Variants in COL4A1 observed in about 807,000 individuals in gnomAD.
COL4A1 encodes collagen type IV alpha 1 chain.
A neutral mutation model predicts 216.6 loss-of-function variants in COL4A1; 40 were observed. The ratio of observed to expected loss-of-function variants is 0.18; its 90% CI spans 0.14 to 0.24. COL4A1 has a LOEUF of 0.24. COL4A1 is among the 10% of genes least tolerant of loss of function. The pLI is 1.00. For synonymous variants in COL4A1, 839 were observed against 810.7 expected, an observed-to-expected ratio of 1.03 and a Z score of -0.59; for missense variants, 1,628 against 2,196.8, an observed-to-expected ratio of 0.74 and a Z score of 5.18.
chr13:110,229,135 G>A (rs765062146), intron 2 of COL4A1, among the ~76,000 whole-genome samples: 7 of 152,224 alleles, frequency 4.6e-5, no homozygotes, highest in Non-Finnish European at 8.8e-5. Context: ...AGCTGACACT[G>A]AGGAAATGTC....
At position 110,187,226 on chromosome 13, in the gene COL4A1, C is replaced by G. The variant is rs374334866; in HGVS notation, c.1640G>C (p.Gly547Ala). Residue 547 changes from glycine to alanine, a missense_variant, in exon 25 of 52, where the codon GGC becomes GCC. By Grantham distance (60) the Gly-to-Ala change is moderately conservative (BLOSUM62 0). Around this residue, in one of 8 missense-constraint regions of COL4A1, gnomAD observed 701 missense variants for 892.5 expected, o/e 0.79. Coordinates refer to ENST00000375820, the MANE Select transcript of COL4A1 (RefSeq NM_001845.6). The part of the protein sequence containing the change: ...LRLKGDKGDP[G>A]FPGQPGMPGR... ...TGGCATGCCGGGCTGTCCTGGAAAG[C>G]CTGGGTCTCCTTTGTCACCTTTGAG... The G allele has an allele frequency of 1.2e-6, 2 of 1,613,822 alleles. No homozygotes were observed. Among genetic ancestry groups the G allele is most frequent in the Admixed American group, 1.7e-5 (1 of 59,994 alleles).
rs147627442 is a variant in COL4A1 at position 110,175,540 on chromosome 13, G to A, written c.3059-183C>T. ...TCAATCGGCTCATGACCCAGAACACGTCAGTCACCCAGATCACATCAGAGC... is the reference window on the plus strand; with the variant it reads ...TCAATCGGCTCATGACCCAGAACACATCAGTCACCCAGATCACATCAGAGC... On this transcript the variant is annotated intron_variant, in intron 36 of 51. Coordinates refer to ENST00000375820, the MANE Select transcript of COL4A1 (RefSeq NM_001845.6). Among the ~76,000 whole-genome samples the A allele has an allele frequency of 1.6e-4, 24 of 152,282 alleles. No homozygotes were observed. The East Asian group carries it at 2.1e-3, about 13-fold the overall frequency.
chr13:110,272,405 T>C (rs748817819), intron 1 of COL4A1, among the ~76,000 whole-genome samples: 33 of 152,304 alleles, frequency 2.2e-4, no homozygotes, highest in Admixed American at 3.9e-4. Flanking sequence ...GTGGAAACAC[T>C]CTCGAAATTG....
chr13:110,213,038 G>A (rs190414870), intron 4 of COL4A1, among the ~76,000 whole-genome samples: 21 of 152,272 alleles, frequency 1.4e-4, no homozygotes, highest in African/African-American at 5.1e-4. Flanking sequence ...AATACCGTAT[G>A]TTCTCACGTA....
At chr13:110,225,691 A>C (rs1443685840) in intron 2 of COL4A1, among the ~76,000 whole-genome samples, 1 of 152,248 alleles carries the variant, frequency 6.6e-6, no homozygotes, top group Admixed American at 6.5e-5. Flanking sequence ...TAGGAATCTT[A>C]ATTTCAAATG....
intron 21 of COL4A1, among the ~76,000 whole-genome samples, chr13:110,195,891 T>C (rs1284000086): frequency 6.6e-6 from 1 of 152,066 alleles, no homozygotes. Flanking sequence ...CCTTACAGGG[T>C]CTTCACCTAA....
At chr13:110,154,318 C>A (rs1566334093) in intron 50 of COL4A1, among the ~76,000 whole-genome samples, 1 of 152,218 alleles carries the variant, frequency 6.6e-6, no homozygotes, top group Non-Finnish European at 1.5e-5. Context: ...GTGTATCAAA[C>A]AGGGGCCTTG....
In COL4A1 at chr13:110,149,607, A is replaced by G. The variant is rs1306990842; in HGVS notation, c.*756T>C. 6.6e-6 allele frequency: 1 copy of G among 152,660 alleles called. No homozygotes were observed. Among genetic ancestry groups the G allele is most frequent in the African/African-American group, 2.4e-5 (1 of 41,464 alleles). 9.5% of individuals were successfully genotyped at this position (152,660 alleles called of 1,614,324 possible). A position where few individuals can be genotyped will look rare whatever the true frequency, so the allele number is the denominator to read the frequency against. On this transcript the variant is annotated 3_prime_UTR_variant, in exon 52 of 52. Coordinates refer to ENST00000375820, the MANE Select transcript of COL4A1 (RefSeq NM_001845.6). ...CCTAGTCTTTAAAAACCTATGTTAAAGGACAGCACAGTCTTTCAAAGGAAG... is the reference window on the plus strand; with the variant it reads ...CCTAGTCTTTAAAAACCTATGTTAAGGGACAGCACAGTCTTTCAAAGGAAG...
rs771074999 is a variant in COL4A1 at position 110,268,146 on chromosome 13, A to G, written c.85-25412T>C. On this transcript the variant is annotated intron_variant, in intron 1 of 51. Coordinates refer to ENST00000375820, the MANE Select transcript of COL4A1 (RefSeq NM_001845.6). This position sits in a 1 kb window ranked among gnomAD's most constrained non-coding sequence, Gnocchi z 4.1. ...AGTATACAAGACATTCACTGGCCTCAGTCAACCCCTAGCATATAAAGACAA... is the reference window on the plus strand; with the variant it reads ...AGTATACAAGACATTCACTGGCCTCGGTCAACCCCTAGCATATAAAGACAA... 2.6e-4 allele frequency among the ~76,000 whole-genome samples: 39 copies of G among 152,336 alleles called. No individual in the cohort carries two copies. Among genetic ancestry groups the G allele is most frequent in the Admixed American group, 3.9e-4 (6 of 15,304 alleles).
chr13:110,195,734 G>A (rs1037021340), intron 21 of COL4A1, among the ~76,000 whole-genome samples: 7 of 152,168 alleles, frequency 4.6e-5, no homozygotes, highest in African/African-American at 1.7e-4. Flanking sequence ...ATTGTTTTAT[G>A]ATTTGGATAC....
intron 2 of COL4A1, among the ~76,000 whole-genome samples, chr13:110,222,089 C>T (rs553617021): frequency 6.6e-6 from 1 of 152,168 alleles, no homozygotes; most frequent in East Asian, 1.9e-4. Context: ...GACACCCACC[C>T]TTCATCCACC....
At chr13:110,240,616 T>C (rs1417308858) in intron 2 of COL4A1, among the ~76,000 whole-genome samples, 3 of 152,206 alleles carry the variant, frequency 2.0e-5, no homozygotes, top group African/African-American at 4.8e-5. Flanking sequence ...CCTTGGGCAA[T>C]GTTGAGATGA....
chr13:110,243,739 C>T (rs554041561), intron 1 of COL4A1, among the ~76,000 whole-genome samples: 1 of 152,334 alleles, frequency 6.6e-6, no homozygotes, highest in East Asian at 1.9e-4. Context: ...AGGTGCCACG[C>T]ACAGTCAGCG....
intron 1 of COL4A1, among the ~76,000 whole-genome samples, chr13:110,267,824 G>A (rs1883099661): frequency 6.6e-6 from 1 of 152,082 alleles, no homozygotes; most frequent in South Asian, 2.1e-4. Flanking sequence ...ACACAGTCCT[G>A]TATAACATTG....
At chr13:110,263,673 G>A (rs1051170581) in intron 1 of COL4A1, among the ~76,000 whole-genome samples, 3 of 152,130 alleles carry the variant, frequency 2.0e-5, no homozygotes, top group African/African-American at 7.2e-5. Flanking sequence ...CTAGACGAAT[G>A]AAAAAGTAGA....
In COL4A1 at chr13:110,225,026, T is replaced by C. The variant is rs530335296; in HGVS notation, c.145-11011A>G. Among the ~76,000 whole-genome samples, 12 of 152,248 alleles carry C rather than the reference T, an allele frequency of 7.9e-5. No homozygotes were observed. The South Asian group carries it at 1.7e-3, about 21-fold the overall frequency. On this transcript the variant is annotated intron_variant, in intron 2 of 51. Coordinates refer to ENST00000375820, the MANE Select transcript of COL4A1 (RefSeq NM_001845.6). ...TGCTCATTGGCAATTAAGAAAAACC[T>C]TTCTTTTTTTTTTCCTTAAAAATGT...
At chr13:110,155,639 G>A (rs1204241979) in intron 49 of COL4A1, among the ~76,000 whole-genome samples, 11 of 152,260 alleles carry the variant, frequency 7.2e-5, no homozygotes, top group South Asian at 2.1e-4. Context: ...GGCTGGGGGC[G>A]GTGGCTCATG....
chr13:110,188,251 G>A (rs1279593030), intron 24 of COL4A1, among the ~76,000 whole-genome samples: 1 of 152,236 alleles, frequency 6.6e-6, no homozygotes, highest in African/African-American at 2.4e-5. Flanking sequence ...TTCACTTAAT[G>A]TGAATTTTTT....
intron 2 of COL4A1, among the ~76,000 whole-genome samples, chr13:110,214,709 T>C (rs1349341847): frequency 6.6e-6 from 1 of 152,184 alleles, no homozygotes; most frequent in Admixed American, 6.5e-5. Flanking sequence ...ACTAGCCCCT[T>C]GGGCTCTCCA....
Sources: gnomAD v4.1 joint callset for allele counts (sites outside exome capture counted in the v4.1 genomes callset) on GRCh38, gnomAD v4.1.1 for gene constraint, gnomAD v4.1.1 regional missense constraint, Gnocchi (gnomAD v3.1) non-coding constraint, MANE v1.5 for transcripts, NCBI Gene and HGNC (gene_info 2026-07-23, HGNC 2026-07-21) for gene names.